The following MED13L variants were observed in gnomAD, a reference collection of about 807,000 sequenced individuals.
MED13L encodes mediator complex subunit 13L, also known as mediator of RNA polymerase II transcription subunit 13-like.
In MED13L, 7 loss-of-function variants were observed where a neutral mutation model predicts 220.9. The observed-to-expected ratio is 0.03, with a 90% CI of 0.02 to 0.06. The LOEUF is 0.06. MED13L is among the 10% of genes least tolerant of loss of function. MED13L has a pLI of 1.00. For synonymous variants in MED13L, 1,011 were observed against 1,015.2 expected (o/e 1.00, Z 0.08); for missense variants, 1,965 against 2,760.5 (o/e 0.71, Z 6.46).
chr12:116,025,928 C>T (rs1244660408), intron 4 of MED13L, among the ~76,000 whole-genome samples: 1 of 152,116 alleles, frequency 6.6e-6, no homozygotes. Flanking sequence ...TTGATCATTA[C>T]ACGCTGTATA....
intron 4 of MED13L, among the ~76,000 whole-genome samples, chr12:116,059,774 A>G (rs932327183): frequency 2.0e-5 from 3 of 152,138 alleles, no homozygotes; most frequent in Non-Finnish European, 4.4e-5. Context: ...ATTTTTAAAT[A>G]CATATGCTTT....
intron 2 of MED13L, among the ~76,000 whole-genome samples, chr12:116,160,015 G>A (rs559651076): frequency 2.0e-4 from 31 of 152,212 alleles, no homozygotes; most frequent in African/African-American, 7.0e-4. Context: ...AATCTGTTAC[G>A]CAGACCCTGT....
At chr12:116,179,980 G>A (rs16946534) in intron 2 of MED13L, among the ~76,000 whole-genome samples, 7,558 of 152,220 alleles carry the variant, frequency 0.05, 301 homozygotes, top group African/African-American at 0.11. Flanking sequence ...TGCTGGTCAC[G>A]TCTCATAAAT....
intron 2 of MED13L, among the ~76,000 whole-genome samples, chr12:116,144,526 A>G (rs962846322): frequency 1.3e-5 from 2 of 152,254 alleles, no homozygotes; most frequent in African/African-American, 4.8e-5. Flanking sequence ...AGCATGCTCA[A>G]TATAAGTTCT....
intron 4 of MED13L, among the ~76,000 whole-genome samples, chr12:116,033,724 G>A (rs1336672616): frequency 6.6e-6 from 1 of 151,852 alleles, no homozygotes; most frequent in Non-Finnish European, 1.5e-5. Context: ...ACATATTTTT[G>A]GTTCTCTAAA....
At position 116,031,803 on chromosome 12, in the gene MED13L, A is replaced by AAGGAAGGAAGGAAG. The variant is rs1566021046; in HGVS notation, c.480-9203_480-9202insCTTCCTTCCTTCCT. ...AGGAAGGAAGGAAGGAAGGAAGGAA[A>AAGGAAGGAAGGAAG]GAAAGAGAGAAAGAAAAAAAGAAAG... On this transcript the variant is annotated intron_variant, in intron 4 of 30. Transcript: ENST00000281928. Among the ~76,000 whole-genome samples, 128 of 89,612 alleles carry AAGGAAGGAAGGAAG rather than the reference A, an allele frequency of 1.4e-3. 2 individuals carry two copies. The highest frequency in any genetic ancestry group is 4.4e-3 in the African/African-American group (115 of 26,186). The allele number at this position is 89,612 out of a possible 152,430, so 58.8% of individuals were successfully genotyped here. A position where few individuals can be genotyped will look rare whatever the true frequency, so the allele number is the denominator to read the frequency against.
At chr12:116,276,443 G>C (rs1459892126) in intron 1 of MED13L, 3 of 1,288,530 alleles carry the variant, frequency 2.3e-6, no homozygotes, top group Non-Finnish European at 3.0e-6. Flanking sequence ...CCGTCGGCTC[G>C]GTGCAATGGC....
At chr12:115,961,871 T>C (rs1241319285) in intron 30 of MED13L, among the ~76,000 whole-genome samples, 1 of 152,042 alleles carries the variant, frequency 6.6e-6, no homozygotes, top group Non-Finnish European at 1.5e-5. Flanking sequence ...CTTGGGAGGC[T>C]GAGGCAGGAG....
intron 4 of MED13L, among the ~76,000 whole-genome samples, chr12:116,050,849 G>C (rs1451454316): frequency 1.3e-5 from 2 of 152,138 alleles, no homozygotes; most frequent in Admixed American, 6.5e-5. Context: ...TGAGGTAGGA[G>C]AATTGCTTGA....
chr12:116,156,569 G>A (rs978973218), intron 2 of MED13L, among the ~76,000 whole-genome samples: 3 of 152,116 alleles, frequency 2.0e-5, no homozygotes, highest in African/African-American at 4.8e-5. Context: ...CTTACCACAA[G>A]TATCAATGCA....
At chr12:116,033,670 T>C (rs1436467565) in intron 4 of MED13L, among the ~76,000 whole-genome samples, 1 of 152,242 alleles carries the variant, frequency 6.6e-6, no homozygotes, top group East Asian at 1.9e-4. Context: ...TCCTCACTCC[T>C]ACACGTCACC....
intron 4 of MED13L, among the ~76,000 whole-genome samples, chr12:116,063,064 C>T (rs1448240983): frequency 6.6e-6 from 1 of 152,154 alleles, no homozygotes; most frequent in South Asian, 2.1e-4. Flanking sequence ...CAATCTTACT[C>T]TGCAATGCCC....
In MED13L at chr12:115,959,603, A is replaced by T. The variant is rs1258607402; in HGVS notation, c.*1663T>A. 1 of 152,574 alleles carries T rather than the reference A, an allele frequency of 6.6e-6. No homozygotes were observed. Among genetic ancestry groups the T allele is most frequent in the East Asian group, 1.9e-4 (1 of 5,188 alleles). 9.5% of individuals were successfully genotyped at this position (152,574 alleles called of 1,614,324 possible). A position where few individuals can be genotyped will look rare whatever the true frequency, so the allele number is the denominator to read the frequency against. The stretch of plus-strand genomic sequence containing the variant: ...GCAATATTTTTAAAGTCAATTTTAC[A>T]CTGTACACATTAGATACAAATGGTT... On this transcript the variant is annotated 3_prime_UTR_variant, in exon 31 of 31. Transcript: ENST00000281928.
intron 8 of MED13L, among the ~76,000 whole-genome samples, chr12:116,014,366 G>C (rs2137411635): frequency 6.6e-6 from 1 of 152,300 alleles, no homozygotes; most frequent in South Asian, 2.1e-4. Flanking sequence ...CATTAGTCAA[G>C]AAAGCAGACA....
At position 116,026,509 on chromosome 12, in the gene MED13L, T is replaced by A. The variant is rs1349149492; in HGVS notation, c.480-3908A>T. On this transcript the variant is annotated intron_variant, in intron 4 of 30. Coordinates refer to ENST00000281928, the MANE Select transcript of MED13L (RefSeq NM_015335.5). Reference sequence around the variant, plus strand: ...CAGTTTCCATAGATGTAAAAGCACCTGTTAGTGCAGACTGCTGGGCCCCTG... The same window carrying A: ...CAGTTTCCATAGATGTAAAAGCACCAGTTAGTGCAGACTGCTGGGCCCCTG... Among the ~76,000 whole-genome samples, 3 of 152,322 alleles carry A rather than the reference T, an allele frequency of 2.0e-5. No individual in the cohort carries two copies. In the East Asian group the frequency reaches 5.8e-4, roughly 29 times the overall value.
chr12:116,116,181 A>G (rs1208862469), intron 2 of MED13L, among the ~76,000 whole-genome samples: 2 of 152,186 alleles, frequency 1.3e-5, no homozygotes, highest in African/African-American at 2.4e-5. Context: ...GCTGATTATC[A>G]GGGAAATAAT....
At chr12:115,987,848 C>T (rs1045739222) in intron 17 of MED13L, among the ~76,000 whole-genome samples, 5 of 152,228 alleles carry the variant, frequency 3.3e-5, no homozygotes, top group Non-Finnish European at 5.9e-5. Flanking sequence ...AAGTCCGCTG[C>T]AGGCACGGAT....
chr12:116,232,588 A>ATG (rs898108924), intron 2 of MED13L, among the ~76,000 whole-genome samples: 1 of 152,244 alleles, frequency 6.6e-6, no homozygotes, highest in African/African-American at 2.4e-5. Context: ...AATACGTTTC[A>ATG]TTAACTGATT....
In MED13L at chr12:116,003,364, T is replaced by C. The variant is rs1443481952; in HGVS notation, c.2470-262A>G. ...GAGCTTGCAGACCTTAAGCAATTCT[T>C]CCCTCCCAAGTCAATTTTCAGGGAC... On this transcript the variant is annotated intron_variant, in intron 13 of 30. Coordinates refer to ENST00000281928, the MANE Select transcript of MED13L (RefSeq NM_015335.5). 2.0e-5 allele frequency among the ~76,000 whole-genome samples: 3 copies of C among 152,246 alleles called. No individual in the cohort carries two copies. In the East Asian group the frequency reaches 5.8e-4, roughly 29 times the overall value.
Sources: gnomAD v4.1 joint callset for allele counts (sites outside exome capture counted in the v4.1 genomes callset) on GRCh38, gnomAD v4.1.1 for gene constraint, MANE v1.5 for transcripts, NCBI Gene and HGNC (gene_info 2026-07-23, HGNC 2026-07-21) for gene names.